Variants in DYNC1LI2 observed in about 807,000 individuals in gnomAD.
The protein encoded by DYNC1LI2 is dynein cytoplasmic 1 light intermediate chain 2, also known as cytoplasmic dynein 1 light intermediate chain 2.
In DYNC1LI2, 19 loss-of-function variants were observed where a neutral mutation model predicts 57.8. That is an observed-to-expected ratio of 0.33 (90% CI 0.23 to 0.48). The LOEUF (loss-of-function observed/expected upper bound fraction) is 0.48. DYNC1LI2 is among the 20% of genes least tolerant of loss of function. The pLI is 0.99. For missense variants in DYNC1LI2, 470 were observed against 604.2 expected (o/e 0.78, Z 2.33); for synonymous variants, 256 against 233.4 (o/e 1.10, Z -0.88).
In DYNC1LI2 at chr16:66,742,666, G is replaced by C; in HGVS notation, c.301C>G (p.His101Asp). 1 of 1,613,874 alleles carries C rather than the reference G, an allele frequency of 6.2e-7. No homozygotes were observed. The highest frequency in any genetic ancestry group is 2.2e-5 in the East Asian group (1 of 44,882). The change falls in exon 4 of 13, where the codon CAC becomes GAC. Residue 101 changes from histidine to aspartate, a missense_variant and splice_region_variant. By Grantham distance (81) the His-to-Asp change is moderately conservative. Transcript: ENST00000258198. ...LSVHDEDRDDHTRCNVWILDG... is the reference protein window; with the variant it reads ...LSVHDEDRDDDTRCNVWILDG... ...AGAATCCACACGTTGCAGCGCGTGTGATCTGAGAAAACAAGTGAATGAAGC... is the reference window on the plus strand; with the variant it reads ...AGAATCCACACGTTGCAGCGCGTGTCATCTGAGAAAACAAGTGAATGAAGC...
chr16:66,745,812 G>A (rs1204196057), intron 3 of DYNC1LI2, among the ~76,000 whole-genome samples: 1 of 151,852 alleles, frequency 6.6e-6, no homozygotes, highest in African/African-American at 2.4e-5. Flanking sequence ...ACTGAGGAGG[G>A]AGGACTGCTC....
rs1239223231 is a variant in DYNC1LI2, at chr16:66,721,158, G to C, written c.*2564C>G. On this transcript the variant is annotated 3_prime_UTR_variant, in exon 13 of 13. Transcript: ENST00000258198. The stretch of plus-strand genomic sequence containing the variant: ...GTACAGAGCAGTCACTTTCAACTTT[G>C]TTAAATTAATAAAACATGACAATGT... 2 of 152,554 alleles carry C rather than the reference G, an allele frequency of 1.3e-5. No homozygotes were observed. Among genetic ancestry groups the C allele is most frequent in the Non-Finnish European group, 2.9e-5 (2 of 68,024 alleles). The allele number at this position is 152,554 out of a possible 1,614,324, so 9.5% of individuals were successfully genotyped here. A position where few individuals can be genotyped will look rare whatever the true frequency, so the allele number is the denominator to read the frequency against.
chr16:66,730,451 G>A, intron 7 of DYNC1LI2: 2 of 401,134 alleles, frequency 5.0e-6, no homozygotes, highest in Middle Eastern at 6.9e-4. Flanking sequence ...AAGGTCTAAG[G>A]AGCCAGTATG....
intron 11 of DYNC1LI2, 133 bp from the exon 12 acceptor site, chr16:66,726,077 A>C: frequency 1.2e-6 from 1 of 852,466 alleles, no homozygotes; most frequent in Non-Finnish European, 1.8e-6. Context: ...TTCATTCGCT[A>C]CGATGCCTTT....
chr16:66,746,001 T>C (rs894434797), intron 3 of DYNC1LI2, among the ~76,000 whole-genome samples: 4 of 152,224 alleles, frequency 2.6e-5, no homozygotes, highest in African/African-American at 4.8e-5. Flanking sequence ...TATTAACTTT[T>C]TTGTATAAGC....
intron 4 of DYNC1LI2, 30 bp from the exon 5 acceptor site, chr16:66,736,274 T>A (rs553031700): frequency 3.7e-5 from 60 of 1,604,706 alleles, no homozygotes; most frequent in Non-Finnish European, 4.9e-5. Flanking sequence ...AAAAATCACA[T>A]GCACATAAAT....
intron 11 of DYNC1LI2, 89 bp from the exon 12 acceptor site, chr16:66,726,033 T>A: frequency 7.5e-6 from 10 of 1,340,746 alleles, no homozygotes; most frequent in Non-Finnish European, 9.2e-6. Flanking sequence ...CATTAGCCAC[T>A]TGTGGCTATC....
At position 66,751,197 on chromosome 16, in the gene DYNC1LI2, G is replaced by A. The variant is rs1016711900; in HGVS notation, c.181+76C>T. 3.4e-5 allele frequency: 51 copies of A among 1,502,030 alleles called. No homozygotes were observed. Among genetic ancestry groups the A allele is most frequent in the Non-Finnish European group, 4.2e-5 (47 of 1,107,278 alleles). 93.0% of individuals were successfully genotyped at this position (1,502,030 alleles called of 1,614,324 possible). A position where few individuals can be genotyped will look rare whatever the true frequency, so the allele number is the denominator to read the frequency against. On this transcript the variant is annotated intron_variant, in intron 2 of 12. Transcript: ENST00000258198. This position sits in a 1 kb window ranked among gnomAD's most constrained non-coding sequence, Gnocchi z 5.2. ...GCGGGCAGGCGGCTGGAACGGGGAAGGCGGGGACCTGAGGGAGGGGCGCCC... is the reference window on the plus strand; with the variant it reads ...GCGGGCAGGCGGCTGGAACGGGGAAAGCGGGGACCTGAGGGAGGGGCGCCC...
At chr16:66,750,970 T>C (rs918063707) in intron 2 of DYNC1LI2, among the ~76,000 whole-genome samples, 14 of 152,156 alleles carry the variant, frequency 9.2e-5, no homozygotes, top group African/African-American at 3.1e-4. Context: ...TCTCATCTAC[T>C]AGCTTCCCCT....
Position 66,723,114 on chromosome 16 carries a change from A to G in DYNC1LI2, c.*608T>C, listed in dbSNP as rs979985910. The G allele has an allele frequency of 2.9e-6, 1 of 345,110 alleles. No individual in the cohort carries two copies. The highest frequency in any genetic ancestry group is 5.8e-6 in the Non-Finnish European group (1 of 173,244). The allele number at this position is 345,110 out of a possible 1,614,324, so 21.4% of individuals were successfully genotyped here. ...CTTTCGTAAGTTAAAGATGCATTCA[A>G]AATAAGCCTAATTCCCATTTTGCTT... On this transcript the variant is annotated 3_prime_UTR_variant, in exon 13 of 13. Coordinates refer to ENST00000258198, the MANE Select transcript of DYNC1LI2 (RefSeq NM_006141.3).
chr16:66,730,413 T>G (rs1175494012), intron 7 of DYNC1LI2, 190 bp from the exon 8 acceptor site: 2 of 527,490 alleles, frequency 3.8e-6, no homozygotes, highest in Non-Finnish European at 6.7e-6. Flanking sequence ...ACATCGCAGG[T>G]CCTGCTCCAT....
At chr16:66,745,972 T>TA (rs571275376) in intron 3 of DYNC1LI2, among the ~76,000 whole-genome samples, 49 of 151,418 alleles carry the variant, frequency 3.2e-4, no homozygotes, top group African/African-American at 6.1e-4. Flanking sequence ...AAAATATACT[T>TA]AAAAAAAAAC....
chr16:66,751,461 C>G lies in DYNC1LI2; in HGVS notation c.107+24G>C, dbSNP rs1171825416. ...CCCAGAGGCCGCGCCCCCCACGGCCCGGCCCGACCGCCCGCGGCCTCACCA... is the reference window on the plus strand; with the variant it reads ...CCCAGAGGCCGCGCCCCCCACGGCCGGGCCCGACCGCCCGCGGCCTCACCA... On this transcript the variant is annotated intron_variant, in intron 1 of 12. Coordinates refer to ENST00000258198, the MANE Select transcript of DYNC1LI2 (RefSeq NM_006141.3). The surrounding 1 kb of genome is among the most constrained non-coding windows in gnomAD (Gnocchi z 5.2). The G allele has an allele frequency of 6.3e-6, 10 of 1,581,814 alleles. No individual in the cohort carries two copies. Among genetic ancestry groups the G allele is most frequent in the Non-Finnish European group, 7.7e-6 (9 of 1,168,028 alleles).
At chr16:66,746,231 C>A (rs535098975) in intron 3 of DYNC1LI2, among the ~76,000 whole-genome samples, 1 of 152,160 alleles carries the variant, frequency 6.6e-6, no homozygotes, top group Non-Finnish European at 1.5e-5. Context: ...CTGCCCACTA[C>A]ACGTAACTCA....
intron 3 of DYNC1LI2, among the ~76,000 whole-genome samples, chr16:66,743,422 A>G (rs1001937773): frequency 6.6e-6 from 1 of 151,806 alleles, no homozygotes; most frequent in Non-Finnish European, 1.5e-5. Context: ...TTAGCTGGGC[A>G]TGGTGGCAGG....
intron 7 of DYNC1LI2, 103 bp downstream of exon 7, chr16:66,732,236 T>C (rs2017649945): frequency 2.1e-6 from 3 of 1,407,190 alleles, no homozygotes; most frequent in Non-Finnish European, 2.9e-6. Context: ...GAGCTGGCTG[T>C]AGAAGACACA....
In DYNC1LI2 at chr16:66,723,401, G is replaced by C. The variant is rs988253177; in HGVS notation, c.*321C>G. The C allele has an allele frequency of 2.0e-6, 1 of 493,078 alleles. No homozygotes were observed. The highest frequency in any genetic ancestry group is 4.0e-6 in the Non-Finnish European group (1 of 251,556). 30.5% of individuals were successfully genotyped at this position (493,078 alleles called of 1,614,324 possible). On this transcript the variant is annotated 3_prime_UTR_variant, in exon 13 of 13. Coordinates refer to ENST00000258198, the MANE Select transcript of DYNC1LI2 (RefSeq NM_006141.3). ...TACCAATGATTTCTTGGTCTCATTT[G>C]CTCCACCCTGTTAGAAAGTGGGCCC...
chr16:66,735,821 T>A (rs1293086213), intron 5 of DYNC1LI2, among the ~76,000 whole-genome samples: 1 of 152,182 alleles, frequency 6.6e-6, no homozygotes, highest in African/African-American at 2.4e-5. Context: ...CTGTGAGTTC[T>A]AAGTTTGAAA....
In DYNC1LI2 at chr16:66,722,916, C is replaced by A. The variant is rs188457622; in HGVS notation, c.*806G>T. 9 of 154,470 alleles carry A rather than the reference C, an allele frequency of 5.8e-5. No homozygotes were observed. The highest frequency in any genetic ancestry group is 1.3e-4 in the Admixed American group (2 of 15,844). 9.6% of individuals were successfully genotyped at this position (154,470 alleles called of 1,614,324 possible). On this transcript the variant is annotated 3_prime_UTR_variant, in exon 13 of 13. Coordinates refer to ENST00000258198, the MANE Select transcript of DYNC1LI2 (RefSeq NM_006141.3). ...TCAAAGTAAACTAATTCTGTAACTG[C>A]TGACTTTGAAGACATCCCACAGTGA...
Sources: allele counts gnomAD v4.1 joint callset (sites outside exome capture counted in the v4.1 genomes callset), GRCh38; gene constraint gnomAD v4.1.1; non-coding constraint Gnocchi (gnomAD v3.1); transcripts MANE v1.5; gene names NCBI Gene and HGNC (gene_info 2026-07-23, HGNC 2026-07-21).